Variants in REDIC1 observed in about 807,000 individuals in gnomAD.
REDIC1 encodes HEI10 Interacting Protein 1.
chr12:39,654,987 A>G, the REDIC1 span, among the ~76,000 whole-genome samples: 9 of 152,140 alleles, frequency 5.9e-5, no homozygotes, highest in African/African-American at 2.2e-4. Flanking sequence ...GAATTTGTCC[A>G]TTTCATCTAA....
chr12:39,637,932 T>G, the REDIC1 span, among the ~76,000 whole-genome samples: 1 of 151,970 alleles, frequency 6.6e-6, no homozygotes. Flanking sequence ...GACCTTTGGA[T>G]CATTACCTAT....
At chr12:39,821,503 A>G in the REDIC1 span, among the ~76,000 whole-genome samples, 1 of 152,290 alleles carries the variant, frequency 6.6e-6, no homozygotes, top group Non-Finnish European at 1.5e-5. Flanking sequence ...TCAGAGTAAC[A>G]AAAGAGAGCG....
At chr12:39,873,888 G>A in the REDIC1 span, among the ~76,000 whole-genome samples, 58 of 152,190 alleles carry the variant, frequency 3.8e-4, 1 homozygote, top group Middle Eastern at 6.8e-3. Context: ...TAGCACCTCC[G>A]TGTCTTCTGT....
the REDIC1 span, among the ~76,000 whole-genome samples, chr12:39,733,371 T>G: frequency 4.6e-5 from 7 of 152,064 alleles, no homozygotes; most frequent in Admixed American, 1.3e-4. Flanking sequence ...CGATATTCTG[T>G]TCCTTTGCTT....
At chr12:39,738,543 G>T in the REDIC1 span, among the ~76,000 whole-genome samples, 1 of 152,110 alleles carries the variant, frequency 6.6e-6, no homozygotes, top group Non-Finnish European at 1.5e-5. Flanking sequence ...AGTTATGTTT[G>T]CAATTTCTTT....
At chr12:39,689,243 C>T in the REDIC1 span, among the ~76,000 whole-genome samples, 1 of 152,188 alleles carries the variant, frequency 6.6e-6, no homozygotes, top group East Asian at 1.9e-4. Context: ...GACTGGGTCT[C>T]TGAATCACTA....
chr12:39,668,830 T>C, the REDIC1 span, among the ~76,000 whole-genome samples: 1 of 152,062 alleles, frequency 6.6e-6, no homozygotes, highest in Non-Finnish European at 1.5e-5. Context: ...ACACCGTTTT[T>C]TCCAGTTGAT....
At chr12:39,770,311 T>C in the REDIC1 span, among the ~76,000 whole-genome samples, 2 of 152,136 alleles carry the variant, frequency 1.3e-5, no homozygotes, top group Non-Finnish European at 2.9e-5. Context: ...AGAGTTGCTA[T>C]GAACATCTAG....
the REDIC1 span, among the ~76,000 whole-genome samples, chr12:39,862,387 C>T: frequency 2.0e-5 from 3 of 152,176 alleles, no homozygotes; most frequent in Admixed American, 1.3e-4. Context: ...GCATACTCAT[C>T]ACTGTGGTCT....
the REDIC1 span, among the ~76,000 whole-genome samples, chr12:39,904,091 C>G: frequency 6.6e-6 from 1 of 152,104 alleles, no homozygotes; most frequent in Non-Finnish European, 1.5e-5. Context: ...GTCACAGGTT[C>G]AGGTGGTGAA....
At chr12:39,719,627 A>G in the REDIC1 span, among the ~76,000 whole-genome samples, 1 of 152,162 alleles carries the variant, frequency 6.6e-6, no homozygotes, top group African/African-American at 2.4e-5. Context: ...AAAATAAAAA[A>G]AAATCACCAA....
the REDIC1 span, chr12:39,764,451 T>C: frequency 3.2e-6 from 5 of 1,552,808 alleles, no homozygotes; most frequent in Non-Finnish European, 4.3e-6. Flanking sequence ...AGAAAAAATA[T>C]TATCTTACCA....
chr12:39,669,147 A>C, the REDIC1 span, among the ~76,000 whole-genome samples: 3 of 152,076 alleles, frequency 2.0e-5, no homozygotes, highest in Admixed American at 2.0e-4. Flanking sequence ...TAGAGTTTCC[A>C]GTTTTTCTGC....
At chr12:39,786,922 A>G in the REDIC1 span, among the ~76,000 whole-genome samples, 2 of 152,242 alleles carry the variant, frequency 1.3e-5, no homozygotes, top group African/African-American at 2.4e-5. Flanking sequence ...CATAGCAGTC[A>G]TAATAGCCAG....
At chr12:39,835,553 T>G in the REDIC1 span, 1 of 152,140 alleles carries the variant, frequency 6.6e-6, no homozygotes, top group Non-Finnish European at 1.5e-5. Context: ...TGATACACAG[T>G]TTAAATTTCA....
At chr12:39,702,407 G>C in the REDIC1 span, among the ~76,000 whole-genome samples, 3 of 152,044 alleles carry the variant, frequency 2.0e-5, no homozygotes, top group Non-Finnish European at 4.4e-5. Flanking sequence ...CCCTGAATAG[G>C]CCAATAACAG....
At chr12:39,683,284 T>A in the REDIC1 span, 1 of 1,105,070 alleles carries the variant, frequency 9.0e-7, no homozygotes, top group Non-Finnish European at 1.3e-6. Context: ...AAAAATAGAA[T>A]GGCTTCCTAT....
chr12:39,698,090 AAAG>A, the REDIC1 span, among the ~76,000 whole-genome samples: 8 of 152,226 alleles, frequency 5.3e-5, no homozygotes, highest in African/African-American at 1.9e-4. Flanking sequence ...AGAAACCAAA[AAAG>A]AGCAAGAGTA....
chr12:39,766,769 A>C, the REDIC1 span, among the ~76,000 whole-genome samples: 1 of 152,080 alleles, frequency 6.6e-6, no homozygotes, highest in Non-Finnish European at 1.5e-5. Context: ...CCATCTCAGA[A>C]ACTACTTTCT....
Sources: allele counts gnomAD v4.1 joint callset (sites outside exome capture counted in the v4.1 genomes callset), GRCh38; gene constraint gnomAD v4.1.1; transcripts MANE v1.5; gene names NCBI Gene and HGNC (gene_info 2026-07-23, HGNC 2026-07-21).